PCDHGA5: variants seen among roughly 807,000 people sequenced by gnomAD.
The protein encoded by PCDHGA5 is protocadherin gamma-A5.
Under a neutral mutation model 56.7 loss-of-function variants are expected in PCDHGA5, and 36 were observed. The ratio of observed to expected loss-of-function variants is 0.64; its 90% confidence interval spans 0.49 to 0.84. PCDHGA5 has a LOEUF of 0.84. Among genes scored for constraint, PCDHGA5 ranks in the 40% least tolerant of loss-of-function variants. PCDHGA5 has a pLI of 0.00. For missense variants in PCDHGA5, 1,305 were observed against 1,201.5 expected (o/e 1.09, Z -1.27); for synonymous variants, 563 against 520.2 (o/e 1.08, Z -1.12).
Position 141,503,989 on chromosome 5 carries a change from C to T in PCDHGA5, c.2481-1404C>T, listed in dbSNP as rs534696225. Among the ~76,000 whole-genome samples the T allele has an allele frequency of 2.6e-5, 4 of 152,312 alleles. No individual in the cohort carries two copies. The South Asian group carries it at 8.3e-4, about 32-fold the overall frequency. On this transcript the variant is annotated intron_variant, in intron 2 of 3. Transcript: ENST00000518069. ...CATGGTGCCAAACCCTTCTTCTTAC[C>T]TTACAGTCACTTAACTGTCTCTGCT...
intron 1 of PCDHGA5, chr5:141,409,951 G>T: frequency 6.2e-7 from 1 of 1,613,374 alleles, no homozygotes; most frequent in Non-Finnish European, 8.5e-7. Context: ...GCTCTGCAGA[G>T]CCCGGCTACC....
Position 141,505,229 on chromosome 5 carries a change from G to T in PCDHGA5, c.2481-164G>T, listed in dbSNP as rs116169437. 9.5e-4 allele frequency: 809 copies of T among 847,460 alleles called. 6 individuals carry two copies. In the African/African-American group the frequency reaches 0.013, roughly 13 times the overall value. 52.5% of individuals were successfully genotyped at this position (847,460 alleles called of 1,614,324 possible). ...TGAGGGACTGACTTGTGGGATTCTG[G>T]CTTCTGAAGGATTGTAGAAGTGCCT... On this transcript the variant is annotated intron_variant, in intron 2 of 3. Coordinates refer to ENST00000518069, the MANE Select transcript of PCDHGA5 (RefSeq NM_018918.3).
At chr5:141,504,743 G>A (rs924744762) in intron 2 of PCDHGA5, among the ~76,000 whole-genome samples, 5 of 151,982 alleles carry the variant, frequency 3.3e-5, no homozygotes, top group African/African-American at 9.7e-5. Context: ...GGAAGCCATT[G>A]AATTTTAGAA....
At chr5:141,373,938 A>G (rs553053363) in intron 1 of PCDHGA5, 2 of 705,416 alleles carry the variant, frequency 2.8e-6, no homozygotes, top group Admixed American at 3.6e-5. Context: ...AAAGCAGGAA[A>G]GCTGTGCAGA....
Position 141,466,657 on chromosome 5 carries a change from C to T in PCDHGA5, c.2422-28150C>T, listed in dbSNP as rs143657719. Among the ~76,000 whole-genome samples the T allele has an allele frequency of 1.4e-3, 211 of 152,280 alleles. 1 individual carries two copies. The highest frequency in any genetic ancestry group is 4.7e-3 in the African/African-American group (197 of 41,542). On this transcript the variant is annotated intron_variant, in intron 1 of 3. Transcript: ENST00000518069. ...TCTCCATAAACTTTTCACAAAACAT[C>T]AGTGATTTCACCGTTCTTCCACTCA...
chr5:141,375,590 T>C (rs750456402), intron 1 of PCDHGA5: 1 of 1,614,162 alleles, frequency 6.2e-7, no homozygotes, highest in South Asian at 1.1e-5. Flanking sequence ...GCCCCTGTCC[T>C]CCTACGTGTC....
chr5:141,456,536 G>A (rs1231730255), intron 1 of PCDHGA5, among the ~76,000 whole-genome samples: 1 of 152,158 alleles, frequency 6.6e-6, no homozygotes, highest in Non-Finnish European at 1.5e-5. Flanking sequence ...AATTAAAGAG[G>A]GATTGTAGCC....
chr5:141,428,111 C>G (rs760446304), intron 1 of PCDHGA5: 2 of 1,607,622 alleles, frequency 1.2e-6, no homozygotes, highest in Non-Finnish European at 1.7e-6. Context: ...TGCTGCAGGC[C>G]ATCGAGCCCG....
At chr5:141,409,067 A>G (rs2095219315) in intron 1 of PCDHGA5, 2 of 1,614,034 alleles carry the variant, frequency 1.2e-6, no homozygotes, top group South Asian at 2.2e-5. Context: ...CCAGAGCACA[A>G]AACATATGTT....
At chr5:141,464,729 G>T (rs1412585185) in intron 1 of PCDHGA5, among the ~76,000 whole-genome samples, 1 of 151,948 alleles carries the variant, frequency 6.6e-6, no homozygotes, top group Non-Finnish European at 1.5e-5. Context: ...ATGTTTAAAA[G>T]CCAGTTTATA....
intron 1 of PCDHGA5, chr5:141,374,736 G>A (rs1770792620): frequency 1.9e-6 from 3 of 1,611,042 alleles, no homozygotes; most frequent in Non-Finnish European, 1.7e-6. Context: ...ATGGATGGCG[G>A]CGACCCTGTC....
chr5:141,437,756 T>A (rs1208576922), intron 1 of PCDHGA5, among the ~76,000 whole-genome samples: 1 of 151,718 alleles, frequency 6.6e-6, no homozygotes, highest in Non-Finnish European at 1.5e-5. Flanking sequence ...TTTTTTTTTT[T>A]GAGACAGAGT....
intron 1 of PCDHGA5, chr5:141,382,952 T>C (rs781221322): frequency 6.2e-7 from 1 of 1,601,438 alleles, no homozygotes; most frequent in Non-Finnish European, 8.5e-7. Context: ...CTGCTCTCCA[T>C]CCTCCTGGGG....
At chr5:141,408,313 T>A (rs375849626) in intron 1 of PCDHGA5, 28 of 1,613,640 alleles carry the variant, frequency 1.7e-5, no homozygotes, top group Non-Finnish European at 2.0e-5. Flanking sequence ...GCTACTCGAT[T>A]CCGGAGGAGC....
chr5:141,420,080 C>G, intron 1 of PCDHGA5: 2 of 1,614,010 alleles, frequency 1.2e-6, no homozygotes, highest in African/African-American at 1.3e-5. Flanking sequence ...TGTGGGTCCC[C>G]CCAACTACAG....
chr5:141,419,852 G>A, intron 1 of PCDHGA5: 1 of 1,614,066 alleles, frequency 6.2e-7, no homozygotes, highest in Non-Finnish European at 8.5e-7. Flanking sequence ...CCTGGTGTTC[G>A]CAGATAGCTT....
chr5:141,375,114 T>G, intron 1 of PCDHGA5: 1 of 1,613,970 alleles, frequency 6.2e-7, no homozygotes, highest in African/African-American at 1.3e-5. Context: ...AATGATAATG[T>G]ACCAGAAGTG....
chr5:141,447,514 C>T (rs901543835), intron 1 of PCDHGA5, among the ~76,000 whole-genome samples: 20 of 152,196 alleles, frequency 1.3e-4, no homozygotes, highest in Admixed American at 8.5e-4. Context: ...AGATGCATAA[C>T]AATCATAACA....
rs759220286 is a variant in PCDHGA5 at position 141,490,018 on chromosome 5, C to G, written c.2422-4789C>G. The G allele has an allele frequency of 6.2e-7, 1 of 1,614,252 alleles. No individual in the cohort carries two copies. Among genetic ancestry groups the G allele is most frequent in the Non-Finnish European group, 8.5e-7 (1 of 1,180,038 alleles). ...CCCAGAGAATGCACCCATTGGTACTCTGCTGCTCCGCCTCAATGCCACTGA... is the reference window on the plus strand; with the variant it reads ...CCCAGAGAATGCACCCATTGGTACTGTGCTGCTCCGCCTCAATGCCACTGA... On this transcript the variant is annotated intron_variant, in intron 1 of 3. Transcript: ENST00000518069. This position sits in a 1 kb window ranked among gnomAD's most constrained non-coding sequence, Gnocchi z 5.4.
Sources: gnomAD v4.1 joint callset for allele counts (sites outside exome capture counted in the v4.1 genomes callset) on GRCh38, gnomAD v4.1.1 for gene constraint, Gnocchi (gnomAD v3.1) non-coding constraint, MANE v1.5 for transcripts, NCBI Gene and HGNC (gene_info 2026-07-23, HGNC 2026-07-21) for gene names.